Variants in PLAC1 observed in about 807,000 individuals in gnomAD.
The protein encoded by PLAC1 is placenta associated 1.
For missense variants in PLAC1, 136 were observed against 163.2 expected, an observed-to-expected ratio of 0.83 and a Z score of 0.91; for synonymous variants, 68 against 62.1, an observed-to-expected ratio of 1.09 and a Z score of -0.44.
At chrX:134,636,742 A>C (rs2078285112) in intron 1 of PLAC1, among the ~76,000 whole-genome samples, 1 of 112,173 alleles carries the variant, frequency 8.9e-6, no homozygotes, top group Non-Finnish European at 1.9e-5. Flanking sequence ...AAAAGATATC[A>C]CGCTCCCTTG....
At chrX:134,761,489 T>C (rs1358703400) in intron 1 of PLAC1, among the ~76,000 whole-genome samples, 1 of 111,950 alleles carries the variant, frequency 8.9e-6, no homozygotes, top group East Asian at 2.8e-4. Flanking sequence ...TATAAATTGG[T>C]ACAATCTTGA....
At chrX:134,622,470 T>C (rs2078215593) in intron 1 of PLAC1, among the ~76,000 whole-genome samples, 1 of 111,819 alleles carries the variant, frequency 8.9e-6, no homozygotes, top group Non-Finnish European at 1.9e-5. Flanking sequence ...GTTAGTTGAA[T>C]GAGGAGGCTT....
intron 2 of PLAC1, among the ~76,000 whole-genome samples, chrX:134,576,244 A>G (rs1221930244): frequency 9.1e-6 from 1 of 109,480 alleles, no homozygotes; most frequent in Non-Finnish European, 1.9e-5. Context: ...TATGTATAAA[A>G]TTATGTCCTC....
chrX:134,734,860 C>T (rs2078698910), intron 1 of PLAC1, among the ~76,000 whole-genome samples: 1 of 110,689 alleles, frequency 9.0e-6, no homozygotes, highest in Admixed American at 9.6e-5. Flanking sequence ...ATGCCTCCCT[C>T]CCCACCACCT....
chrX:134,742,837 A>T (rs950748611), intron 1 of PLAC1, among the ~76,000 whole-genome samples: 1 of 111,648 alleles, frequency 9.0e-6, no homozygotes, highest in Non-Finnish European at 1.9e-5. Context: ...TGTAAGCTAC[A>T]GCAAGGGCTG....
At chrX:134,662,655 C>T (rs939918278), upstream of PLAC1, among the ~76,000 whole-genome samples, 4 of 112,191 alleles carry the variant, frequency 3.6e-5, no homozygotes, top group African/African-American at 9.7e-5. Context: ...CTTAGCCAGG[C>T]GCAGTGGCTC....
chrX:134,687,839 T>C (rs1248161076), intron 2 of PLAC1, among the ~76,000 whole-genome samples: 3 of 74,493 alleles, frequency 4.0e-5, no homozygotes, highest in African/African-American at 1.6e-4. Flanking sequence ...TATATATATA[T>C]ATATATATAT....
chrX:134,691,374 C>A (rs1012008352), intron 2 of PLAC1, among the ~76,000 whole-genome samples: 2 of 110,834 alleles, frequency 1.8e-5, no homozygotes, highest in South Asian at 3.8e-4. Flanking sequence ...AAATGAGGAG[C>A]AATGACTTCC....
intron 1 of PLAC1, among the ~76,000 whole-genome samples, chrX:134,745,128 T>C (rs2078726334): frequency 8.9e-6 from 1 of 111,818 alleles, no homozygotes; most frequent in Non-Finnish European, 1.9e-5. Flanking sequence ...CTCTTCTTTT[T>C]GTCCTGGCCT....
chrX:134,714,715 A>G (rs1189622917), intron 2 of PLAC1, among the ~76,000 whole-genome samples: 1 of 111,201 alleles, frequency 9.0e-6, no homozygotes, highest in Non-Finnish European at 1.9e-5. Context: ...ACCATCCTAG[A>G]AACTTCATGT....
intron 1 of PLAC1, among the ~76,000 whole-genome samples, chrX:134,750,927 TTA>T (rs1556199806): frequency 1.3e-4 from 3 of 22,941 alleles, no homozygotes; most frequent in Non-Finnish European, 1.2e-4. Flanking sequence ...ATATATATTT[TTA>T]TATATATATA....
Position 134,577,747 on chromosome X carries a change from ATGCGTG to A in PLAC1, c.-58-11013_-58-11008del, listed in dbSNP as rs1426966285. On this transcript the variant is annotated intron_variant, in intron 2 of 2. Coordinates refer to ENST00000359237, the MANE Select transcript of PLAC1 (RefSeq NM_021796.4). The stretch of plus-strand genomic sequence containing the variant: ...CACAGAATGCCTCATGTGTGCATGC[ATGCGTG>A]TGTGTGTGTGTGTGTGTGTGTGTGT... 2.3e-3 allele frequency among the ~76,000 whole-genome samples: 180 copies of A among 78,608 alleles called. 1 individual carries two copies. The highest frequency in any genetic ancestry group is 8.7e-3 in the African/African-American group (172 of 19,817). 68.3% of individuals were successfully genotyped at this position (78,608 alleles called of 115,157 possible). A position where few individuals can be genotyped will look rare whatever the true frequency, so the allele number is the denominator to read the frequency against.
Position 134,571,995 on chromosome X carries a change from G to A in PLAC1, c.-58-5255C>T, listed in dbSNP as rs1003628655. ...TTGTATATTGTTTTCCCAGAAACTT[G>A]TTGTCAAAACAAAAGGAAACAGCAG... On this transcript the variant is annotated intron_variant, in intron 2 of 2. Transcript: ENST00000359237. Among the ~76,000 whole-genome samples the A allele has an allele frequency of 2.7e-5, 3 of 111,862 alleles. No homozygotes were observed. The Admixed American group carries it at 2.9e-4, about 11-fold the overall frequency.
rs192471128 is a variant in PLAC1, at chrX:134,741,339, C to G, written n.90-7820G>C. Among the ~76,000 whole-genome samples, 65 of 111,947 alleles carry G rather than the reference C, an allele frequency of 5.8e-4. No individual in the cohort carries two copies. The East Asian group carries it at 0.017, about 29-fold the overall frequency. Reference sequence around the variant, plus strand: ...CATAGTCTTTCCCTCCACTGTAGTACGGTGAGGAGAACTTTGGAAGAAAAA... The same window carrying G: ...CATAGTCTTTCCCTCCACTGTAGTAGGGTGAGGAGAACTTTGGAAGAAAAA... On this transcript the variant is annotated intron_variant and non_coding_transcript_variant, in intron 1 of 2. Transcript: ENST00000466797.
intron 1 of PLAC1, among the ~76,000 whole-genome samples, chrX:134,762,692 G>A (rs1166573149): frequency 9.3e-6 from 1 of 107,791 alleles, no homozygotes; most frequent in Non-Finnish European, 1.9e-5. Flanking sequence ...GCCAGGCGCA[G>A]TGGCGGGCGC....
At chrX:134,671,618 AC>A (rs2078455763) in intron 2 of PLAC1, among the ~76,000 whole-genome samples, 1 of 109,651 alleles carries the variant, frequency 9.1e-6, no homozygotes, top group Non-Finnish European at 1.9e-5. Context: ...AGAGAGAGCA[AC>A]AGGGAAAGTG....
Position 134,592,106 on chromosome X carries a change from T to C in PLAC1, c.-59+9945A>G, listed in dbSNP as rs756114771. ...TTATGTTATATAACTTGTCTTTTCA[T>C]CTTCTTTCACAGAGCAAATGTTTTA... On this transcript the variant is annotated intron_variant, in intron 2 of 2. Coordinates refer to ENST00000359237, the MANE Select transcript of PLAC1 (RefSeq NM_021796.4). Among the ~76,000 whole-genome samples, 5 of 112,406 alleles carry C rather than the reference T, an allele frequency of 4.4e-5. No individual in the cohort carries two copies. In the Admixed American group the frequency reaches 4.7e-4, roughly 11 times the overall value.
chrX:134,610,825 G>T (rs888071031), intron 1 of PLAC1, among the ~76,000 whole-genome samples: 1 of 111,441 alleles, frequency 9.0e-6, no homozygotes, highest in East Asian at 2.8e-4. Flanking sequence ...CTCAATAAAT[G>T]TTAATTATTT....
intron 2 of PLAC1, among the ~76,000 whole-genome samples, chrX:134,703,824 C>T (rs1023203475): frequency 9.2e-6 from 1 of 109,064 alleles, no homozygotes. Context: ...AACAGTCCCA[C>T]TTAAGATAGA....
Sources: gnomAD v4.1 joint callset for allele counts (sites outside exome capture counted in the v4.1 genomes callset) on GRCh38, gnomAD v4.1.1 for gene constraint, MANE v1.5 for transcripts, NCBI Gene and HGNC (gene_info 2026-07-23, HGNC 2026-07-21) for gene names.